Variants in CROCC2 observed in about 807,000 individuals in gnomAD.
CROCC2 encodes ciliary rootlet coiled-coil protein 2.
CROCC2 carries 163 observed loss-of-function variants against 177.6 expected under a neutral mutation model. The observed-to-expected ratio is 0.92, with a 90% CI of 0.81 to 1.05. The LOEUF (loss-of-function observed/expected upper bound fraction) is 1.05, where lower values mean the gene tolerates loss of function less well. Ranked by LOEUF, CROCC2 falls within the 50% of genes least tolerant of loss-of-function variation. CROCC2 has a pLI of 0.00. For missense variants in CROCC2, 1,929 were observed against 1,797.8 expected (o/e 1.07, Z -1.32); for synonymous variants, 904 against 787.3 (o/e 1.15, Z -2.48).
Position 240,968,837 on chromosome 2 carries a change from G to A in CROCC2, c.4401+575G>A, listed in dbSNP as rs139410035. 1.7e-3 allele frequency among the ~76,000 whole-genome samples: 265 copies of A among 152,272 alleles called. 5 individuals are homozygous for A. Among genetic ancestry groups the A allele is most frequent in the Admixed American group, 0.01 (156 of 15,312 alleles). On this transcript the variant is annotated intron_variant, in intron 27 of 31. Coordinates refer to ENST00000690015, the MANE Select transcript of CROCC2 (RefSeq NM_001351305.2). ...AGGAGCCTGGGCCTGGAAATGGAAC[G>A]GCCAGGCAGTGGTGGATGGAGGCCT...
chr2:240,992,995 C>G, intron 31 of CROCC2, 71 bp from the exon 32 acceptor site: 1 of 708,370 alleles, frequency 1.4e-6, no homozygotes, highest in South Asian at 1.5e-5. Context: ...TCCCTCCAGC[C>G]CCCGGCAGCA....
intron 28 of CROCC2, chr2:240,983,508 C>T (rs1377352790): frequency 5.6e-6 from 7 of 1,244,462 alleles, no homozygotes; most frequent in Non-Finnish European, 6.2e-6. Context: ...CAGGAGCAGA[C>T]GGCGGCGCTG....
intron 19 of CROCC2, chr2:240,956,235 G>A (rs947384602): frequency 2.4e-5 from 12 of 505,026 alleles, no homozygotes; most frequent in African/African-American, 2.1e-4. Flanking sequence ...AGGGGCCAGA[G>A]AGAGGGGGCC....
intron 1 of CROCC2, among the ~76,000 whole-genome samples, chr2:240,907,245 C>T (rs1375256063): frequency 2.6e-5 from 4 of 152,170 alleles, no homozygotes; most frequent in Non-Finnish European, 4.4e-5. Flanking sequence ...GTTCTGTCTT[C>T]GTAGCACCTG....
At chr2:240,968,333 G>C in intron 27 of CROCC2, 71 bp downstream of exon 27, 1 of 1,429,958 alleles carries the variant, frequency 7.0e-7, no homozygotes, top group Admixed American at 2.5e-5. Context: ...CTCACACCCT[G>C]CAGGGAGGCC....
chr2:240,942,090 G>A (rs1274013878), intron 14 of CROCC2, among the ~76,000 whole-genome samples: 2 of 152,198 alleles, frequency 1.3e-5, no homozygotes, highest in African/African-American at 4.8e-5. Context: ...CTCTAGAACT[G>A]TGAGAAGATA....
chr2:240,926,527 A>G (rs1266367868), intron 5 of CROCC2, among the ~76,000 whole-genome samples: 1 of 152,176 alleles, frequency 6.6e-6, no homozygotes, highest in Non-Finnish European at 1.5e-5. Context: ...GCAAAGGGGG[A>G]CTGGACGCCC....
intron 19 of CROCC2, chr2:240,957,991 G>A (rs2059604344): frequency 1.0e-6 from 1 of 985,280 alleles, no homozygotes; most frequent in African/African-American, 1.7e-5. Flanking sequence ...GCTGGCTTCT[G>A]GAGCCTTCTC....
chr2:240,950,218 C>A, intron 17 of CROCC2, 116 bp from the exon 18 acceptor site: 1 of 1,051,882 alleles, frequency 9.5e-7, no homozygotes, highest in Non-Finnish European at 1.4e-6. Flanking sequence ...CTGGTCTGGA[C>A]AGCCCCTGGG....
rs2059418575 is a variant in CROCC2, at chr2:240,930,192, C to T, written c.672C>T (p.Pro224=). ...RQTRSGGLGQ[P]RDLLLLWRQA... is the part of the protein sequence containing the mutation. ...CCCGGTCAGGGGGCCTGGGGCAGCC[C>T]CGGGACCTCCTCCTCCTGTGGAGAC... The change falls in exon 6 of 32, where the codon CCC becomes CCT. Residue 224 remains proline (P), a synonymous_variant. Coordinates refer to ENST00000690015, the MANE Select transcript of CROCC2 (RefSeq NM_001351305.2). 3.4e-6 allele frequency: 2 copies of T among 583,546 alleles called. No homozygotes were observed. Among genetic ancestry groups the T allele is most frequent in the African/African-American group, 1.9e-5 (1 of 52,728 alleles). The allele number at this position is 583,546 out of a possible 1,614,324, so 36.1% of individuals were successfully genotyped here. A position where few individuals can be genotyped will look rare whatever the true frequency, so the allele number is the denominator to read the frequency against.
chr2:240,966,605 C>G (rs2059686514), intron 25 of CROCC2, among the ~76,000 whole-genome samples, 196 bp downstream of exon 25: 1 of 152,138 alleles, frequency 6.6e-6, no homozygotes, highest in Non-Finnish European at 1.5e-5. Context: ...CCGCCCCCTT[C>G]CTTATACCAG....
At chr2:240,984,501 G>C (rs528074147) in intron 28 of CROCC2, among the ~76,000 whole-genome samples, 1 of 151,706 alleles carries the variant, frequency 6.6e-6, no homozygotes, top group African/African-American at 2.4e-5. Flanking sequence ...TCACCTGAGA[G>C]GCAGCTCTCT....
rs1210324941 is a variant in CROCC2 at position 240,955,987 on chromosome 2, G to A, written c.2943+15G>A. ...AGCAAGCGCAGGTGAGCCCCATGCA[G>A]CCAGGCCACGTGCACAGCCAAGCAG... On this transcript the variant is annotated intron_variant, in intron 19 of 31. Coordinates refer to ENST00000690015, the MANE Select transcript of CROCC2 (RefSeq NM_001351305.2). 2.0e-6 allele frequency: 3 copies of A among 1,525,610 alleles called. No homozygotes were observed. The highest frequency in any genetic ancestry group is 2.6e-6 in the Non-Finnish European group (3 of 1,139,140). The allele number at this position is 1,525,610 out of a possible 1,614,324, so 94.5% of individuals were successfully genotyped here. A position where few individuals can be genotyped will look rare whatever the true frequency, so the allele number is the denominator to read the frequency against.
chr2:240,916,087 G>A (rs2059318460), intron 1 of CROCC2, among the ~76,000 whole-genome samples: 1 of 152,160 alleles, frequency 6.6e-6, no homozygotes, highest in African/African-American at 2.4e-5. Context: ...GCAGCGCAGA[G>A]TCCCTGGGAG....
chr2:240,914,402 G>A (rs370379775), intron 1 of CROCC2, among the ~76,000 whole-genome samples: 2 of 152,362 alleles, frequency 1.3e-5, no homozygotes, highest in African/African-American at 4.8e-5. Flanking sequence ...GGCCGATGCT[G>A]GCGCGCGCCT....
chr2:240,911,359 C>T (rs1311733538), intron 1 of CROCC2, among the ~76,000 whole-genome samples: 7 of 140,848 alleles, frequency 5.0e-5, no homozygotes, highest in South Asian at 2.3e-4. Flanking sequence ...TGCAGTGGTG[C>T]GATCTCGGCT....
intron 5 of CROCC2, among the ~76,000 whole-genome samples, chr2:240,928,363 G>A (rs1336926178): frequency 6.6e-6 from 1 of 151,866 alleles, no homozygotes; most frequent in Non-Finnish European, 1.5e-5. Flanking sequence ...GTTTAACTCC[G>A]ACATTCTGGA....
At chr2:240,971,120 G>A (rs1381429532) in intron 27 of CROCC2, among the ~76,000 whole-genome samples, 1 of 152,180 alleles carries the variant, frequency 6.6e-6, no homozygotes, top group Admixed American at 6.5e-5. Flanking sequence ...AGCAGCACCT[G>A]CACCCCACGC....
rs1337309580 is a variant in CROCC2, at chr2:240,983,443, G to A, written c.4551+414G>A. ...CGGCCCAGGTGCTCTGCAGGCCGCA[G>A]AGGCTCAGCGGCGGGCAGGAGGCGG... is the stretch of plus-strand genomic sequence containing the variant. On this transcript the variant is annotated intron_variant, in intron 28 of 31. Coordinates refer to ENST00000690015, the MANE Select transcript of CROCC2 (RefSeq NM_001351305.2). The A allele has an allele frequency of 2.8e-5, 36 of 1,265,286 alleles. 1 individual carries two copies. The Middle Eastern group carries it at 9.0e-4, about 31-fold the overall frequency. The allele number at this position is 1,265,286 out of a possible 1,614,324, so 78.4% of individuals were successfully genotyped here. A position where few individuals can be genotyped will look rare whatever the true frequency, so the allele number is the denominator to read the frequency against.
Sources: allele counts gnomAD v4.1 joint callset (sites outside exome capture counted in the v4.1 genomes callset), GRCh38; gene constraint gnomAD v4.1.1; transcripts MANE v1.5; gene names NCBI Gene and HGNC (gene_info 2026-07-23, HGNC 2026-07-21).